Variants in FAM135B observed in about 807,000 individuals in gnomAD.
The protein encoded by FAM135B is family with sequence similarity 135 member B, also known as protein FAM135B.
A neutral mutation model predicts 127.7 loss-of-function variants in FAM135B; 43 were observed. That is an observed-to-expected ratio of 0.34 (90% confidence interval 0.26 to 0.43). The LOEUF is 0.43. FAM135B is among the 20% of genes least tolerant of loss of function. FAM135B has a pLI of 1.00. For synonymous variants in FAM135B, 670 were observed against 665.1 expected (o/e 1.01, Z -0.11); for missense variants, 1,558 against 1,725.6 (o/e 0.90, Z 1.72).
chr8:138,417,666 T>C (rs760887552), intron 1 of FAM135B, among the ~76,000 whole-genome samples: 7 of 152,112 alleles, frequency 4.6e-5, no homozygotes, highest in African/African-American at 7.2e-5. Context: ...GCAGGCCTGG[T>C]CCCAGACTAC....
At chr8:138,213,940 G>A (rs539034648) in intron 7 of FAM135B, among the ~76,000 whole-genome samples, 1 of 101,636 alleles carries the variant, frequency 9.8e-6, no homozygotes, top group South Asian at 4.5e-4. Flanking sequence ...ATAACTTTTG[G>A]TGGTGTTCAG....
In FAM135B at chr8:138,242,907, A is replaced by G. The variant is rs1376720741; in HGVS notation, c.669+35T>C. ...CATACACTCTGCAAAGTAAAGTTTG[A>G]AAGTTTTGAAGCAACTGCCCCACAC... On this transcript the variant is annotated intron_variant, in intron 7 of 19. Coordinates refer to ENST00000395297, the MANE Select transcript of FAM135B (RefSeq NM_015912.4). The surrounding 1 kb of genome is among the most constrained non-coding windows in gnomAD (Gnocchi z 9.6). The G allele has an allele frequency of 1.9e-6, 3 of 1,591,366 alleles. No individual in the cohort carries two copies. In the African/African-American group the frequency reaches 4.1e-5, roughly 22 times the overall value.
chr8:138,193,687 G>C (rs1166125000), intron 9 of FAM135B, among the ~76,000 whole-genome samples: 2 of 152,184 alleles, frequency 1.3e-5, no homozygotes, highest in South Asian at 4.1e-4. Context: ...GAGGCAGCCC[G>C]AGCCAGCCCT....
At position 138,151,666 on chromosome 8, in the gene FAM135B, A is replaced by G. The variant is rs1334402436; in HGVS notation, c.2809T>C (p.Leu937=). 5 of 1,614,066 alleles carry G rather than the reference A, an allele frequency of 3.1e-6. No individual in the cohort carries two copies. The highest frequency in any genetic ancestry group is 4.2e-6 in the Non-Finnish European group (5 of 1,180,040). Residue 937 remains leucine (L), a synonymous_variant, in exon 13 of 20, where the codon TTG becomes CTG. Coordinates refer to ENST00000395297, the MANE Select transcript of FAM135B (RefSeq NM_015912.4). ...GCATCAGCAGCTGACGTACAGCTCA[A>G]TTCAGGCACCTGATGTTGAGAGAGA... The part of the protein sequence containing the change: ...EGLSQHQVPE[L]SCTSAADAIN...
intron 1 of FAM135B, among the ~76,000 whole-genome samples, chr8:138,455,320 T>C (rs183926577): frequency 2.0e-5 from 3 of 152,308 alleles, no homozygotes; most frequent in Non-Finnish European, 4.4e-5. Flanking sequence ...ACAATTGTCA[T>C]AGATTTCAAA....
chr8:138,341,953 C>T (rs1184612290), intron 2 of FAM135B, among the ~76,000 whole-genome samples: 1 of 152,014 alleles, frequency 6.6e-6, no homozygotes, highest in Non-Finnish European at 1.5e-5. Context: ...ATTTTAGGTG[C>T]AGGGAGTAAA....
intron 9 of FAM135B, among the ~76,000 whole-genome samples, chr8:138,183,329 T>C (rs902894988): frequency 1.3e-5 from 2 of 151,406 alleles, no homozygotes; most frequent in African/African-American, 4.8e-5. Flanking sequence ...AGATTACAGA[T>C]AGTAAGTGGG....
At chr8:138,339,673 T>C (rs1253599047) in intron 2 of FAM135B, among the ~76,000 whole-genome samples, 1 of 152,164 alleles carries the variant, frequency 6.6e-6, no homozygotes, top group Admixed American at 6.5e-5. Context: ...AATTAGAGCA[T>C]TCCATCAGCT....
chr8:138,479,606 T>C (rs1814691968), intron 1 of FAM135B, among the ~76,000 whole-genome samples: 2 of 152,184 alleles, frequency 1.3e-5, no homozygotes. Flanking sequence ...TATATCACAA[T>C]ATCATACAAC....
chr8:138,405,999 G>A (rs1470987741), intron 1 of FAM135B, among the ~76,000 whole-genome samples: 1 of 151,176 alleles, frequency 6.6e-6, no homozygotes, highest in East Asian at 1.9e-4. Flanking sequence ...TCTTTTGGCT[G>A]CATAAATGTC....
At chr8:138,404,968 T>G (rs1293450682) in intron 1 of FAM135B, among the ~76,000 whole-genome samples, 1 of 152,210 alleles carries the variant, frequency 6.6e-6, no homozygotes, top group East Asian at 1.9e-4. Context: ...GCTAAAATTA[T>G]GAATCCTTTC....
chr8:138,172,013 T>C (rs141229351), intron 11 of FAM135B, among the ~76,000 whole-genome samples: 4 of 152,310 alleles, frequency 2.6e-5, no homozygotes, highest in African/African-American at 9.6e-5. Context: ...TATTGCTGCA[T>C]GCACAAGTGC....
chr8:138,274,046 C>T (rs894728216), intron 3 of FAM135B, among the ~76,000 whole-genome samples: 2 of 152,182 alleles, frequency 1.3e-5, no homozygotes, highest in African/African-American at 2.4e-5. Context: ...GTTTCCAGTA[C>T]AGAACCTTTG....
intron 3 of FAM135B, among the ~76,000 whole-genome samples, chr8:138,302,027 C>A (rs1227165773): frequency 1.3e-5 from 2 of 152,172 alleles, no homozygotes; most frequent in South Asian, 2.1e-4. Flanking sequence ...AACTTCCCCA[C>A]CTTCTGTTAT....
intron 11 of FAM135B, among the ~76,000 whole-genome samples, chr8:138,176,762 C>T (rs1814512949): frequency 6.6e-6 from 1 of 152,138 alleles, no homozygotes; most frequent in South Asian, 2.1e-4. Context: ...AAAAAGAAAC[C>T]CTTGGACTGT....
intron 1 of FAM135B, among the ~76,000 whole-genome samples, chr8:138,413,056 A>T (rs1364056335): frequency 1.3e-5 from 2 of 152,202 alleles, no homozygotes; most frequent in African/African-American, 4.8e-5. Context: ...CCCGGACCGT[A>T]TTCCTTTTAA....
intron 3 of FAM135B, among the ~76,000 whole-genome samples, chr8:138,288,019 A>G (rs755860248): frequency 4.6e-5 from 7 of 152,226 alleles, no homozygotes; most frequent in Admixed American, 1.3e-4. Context: ...AAATGAAGGA[A>G]GTAATGAAAT....
intron 1 of FAM135B, among the ~76,000 whole-genome samples, chr8:138,382,856 AT>A (rs1429955086): frequency 2.0e-5 from 3 of 152,130 alleles, no homozygotes; most frequent in Non-Finnish European, 4.4e-5. Context: ...TTCATATTGA[AT>A]TTTTCCTTCA....
At chr8:138,435,612 A>T (rs1405662009) in intron 1 of FAM135B, among the ~76,000 whole-genome samples, 1 of 152,226 alleles carries the variant, frequency 6.6e-6, no homozygotes, top group East Asian at 1.9e-4. Context: ...AGTTATGTAT[A>T]GTTTTAGAAC....
Sources: allele counts gnomAD v4.1 joint callset (sites outside exome capture counted in the v4.1 genomes callset), GRCh38; gene constraint gnomAD v4.1.1; non-coding constraint Gnocchi (gnomAD v3.1); transcripts MANE v1.5; gene names NCBI Gene and HGNC (gene_info 2026-07-23, HGNC 2026-07-21).